LIPK: variants seen among roughly 807,000 people sequenced by gnomAD.
LIPK encodes lipase member K.
Under a neutral mutation model 48.6 loss-of-function variants are expected in LIPK, and 32 were observed. The ratio of observed to expected loss-of-function variants is 0.66; its 90% CI spans 0.50 to 0.88. LIPK has a LOEUF of 0.88. LIPK is among the 40% of genes least tolerant of loss of function. The probability of loss-of-function intolerance (pLI) is 0.00; values close to 1 mark genes in which losing one functional copy is unlikely to be tolerated. For synonymous variants in LIPK, 164 were observed against 157.4 expected (o/e 1.04, Z -0.32); for missense variants, 507 against 478.5 (o/e 1.06, Z -0.56).
chr10:88,732,658 G>A, intron 6 of LIPK, 107 bp downstream of exon 6: 1 of 1,151,818 alleles, frequency 8.7e-7, no homozygotes, highest in Non-Finnish European at 1.2e-6. Flanking sequence ...GAAAATAATA[G>A]GTATTCAAGA....
chr10:88,735,772 T>A (rs2134753337), intron 6 of LIPK, among the ~76,000 whole-genome samples: 1 of 152,350 alleles, frequency 6.6e-6, no homozygotes, highest in East Asian at 1.9e-4. Flanking sequence ...CAACTTGGAA[T>A]TATATCTACA....
intron 1 of LIPK, among the ~76,000 whole-genome samples, chr10:88,722,360 T>C (rs1455766200): frequency 6.6e-6 from 1 of 152,232 alleles, no homozygotes; most frequent in Non-Finnish European, 1.5e-5. Flanking sequence ...TTGGCATTTA[T>C]AAAAACCTGC....
intron 9 of LIPK, among the ~76,000 whole-genome samples, chr10:88,747,085 C>T (rs1485360920): frequency 2.6e-5 from 4 of 152,036 alleles, no homozygotes; most frequent in African/African-American, 9.7e-5. Flanking sequence ...AAATCCTAAA[C>T]AGATCAATAA....
chr10:88,732,679 A>C, intron 6 of LIPK, 128 bp downstream of exon 6: 1 of 949,094 alleles, frequency 1.1e-6, no homozygotes, highest in East Asian at 2.4e-5. Flanking sequence ...TATCCATGTA[A>C]GTTCACTGAT....
intron 1 of LIPK, among the ~76,000 whole-genome samples, chr10:88,709,190 G>A (rs1841984140): frequency 6.6e-6 from 1 of 152,126 alleles, no homozygotes; most frequent in Non-Finnish European, 1.5e-5. Flanking sequence ...ATAGATGTGA[G>A]TGCTGAGAAA....
chr10:88,752,737 A>G lies in LIPK; in HGVS notation c.1181A>G (p.Glu394Gly), dbSNP rs1164605775. Residue 394 changes from glutamate (E) to glycine (G), a missense_variant, in exon 10 of 10, where the codon GAA becomes GGA. Physicochemically the swap from Glu to Gly is moderately conservative, Grantham distance 98. Transcript: ENST00000404190. ...TACCAAGACCTAATTATATTGATGG[A>G]AGAATATTTACAAAATTAAATGCAC... Reference protein sequence around the residue: ...EIYQDLIILMEEYLQN With the variant: ...EIYQDLIILMGEYLQN The G allele has an allele frequency of 6.5e-7, 1 of 1,549,832 alleles. No individual in the cohort carries two copies. The highest frequency in any genetic ancestry group is 8.8e-7 in the Non-Finnish European group (1 of 1,142,108).
intron 9 of LIPK, among the ~76,000 whole-genome samples, chr10:88,745,138 C>T (rs939853381): frequency 6.6e-6 from 1 of 152,020 alleles, no homozygotes; most frequent in African/African-American, 2.4e-5. Context: ...TATGTAAAGA[C>T]ACCAAACCTA....
rs752619939 is a variant in LIPK at position 88,752,625 on chromosome 10, C to T, written c.1069C>T (p.Gln357Ter). ...CAAGGATGTTGAAAATTTACTTCCT[C>T]AAATTGCTAACCTTATTTATTACAA... ...DPKDVENLLP[Q>*]IANLIYYKLI... The change falls in exon 10 of 10, where the codon CAA becomes TAA. Residue 357 changes from glutamine (Q) to a stop codon, truncating the protein, a stop_gained. Coordinates refer to ENST00000404190, the MANE Select transcript of LIPK (RefSeq NM_001080518.2). LOFTEE classifies it high-confidence loss of function. The T allele has an allele frequency of 1.9e-6, 3 of 1,572,022 alleles. No individual in the cohort carries two copies. In the Admixed American group the frequency reaches 5.6e-5, roughly 29 times the overall value.
intron 9 of LIPK, among the ~76,000 whole-genome samples, chr10:88,744,660 A>G (rs183158663): frequency 6.6e-5 from 10 of 152,354 alleles, no homozygotes; most frequent in Admixed American, 1.3e-4. Flanking sequence ...TCAAAGATTA[A>G]AGGAATATCA....
At chr10:88,731,744 G>T (rs1842472217) in intron 4 of LIPK, among the ~76,000 whole-genome samples, 1 of 152,252 alleles carries the variant, frequency 6.6e-6, no homozygotes, top group South Asian at 2.1e-4. Flanking sequence ...AGGATCAGAA[G>T]TAACTGAGGT....
chr10:88,743,665 A>G (rs1286244375), intron 9 of LIPK, among the ~76,000 whole-genome samples: 1 of 152,186 alleles, frequency 6.6e-6, no homozygotes, highest in Non-Finnish European at 1.5e-5. Context: ...AAGACCATCA[A>G]GAAGATTGGA....
At chr10:88,716,356 CTTTTT>C (rs11374780) in intron 1 of LIPK, among the ~76,000 whole-genome samples, 1 of 120,338 alleles carries the variant, frequency 8.3e-6, no homozygotes, top group Admixed American at 9.6e-5. Flanking sequence ...AGGAAAATTT[CTTTTT>C]TTTTTTTTTT....
At chr10:88,717,650 T>C (rs1842145381) in intron 1 of LIPK, among the ~76,000 whole-genome samples, 3 of 152,104 alleles carry the variant, frequency 2.0e-5, no homozygotes, top group Admixed American at 2.0e-4. Flanking sequence ...CAGCACACAG[T>C]TGGGAAATAA....
intron 1 of LIPK, among the ~76,000 whole-genome samples, chr10:88,719,694 C>T (rs893093767): frequency 2.0e-5 from 3 of 152,252 alleles, no homozygotes; most frequent in Non-Finnish European, 2.9e-5. Context: ...CAATTCTCAC[C>T]TCCATTTACG....
intron 1 of LIPK, among the ~76,000 whole-genome samples, chr10:88,707,616 G>C (rs1423831142): frequency 6.6e-6 from 1 of 151,908 alleles, no homozygotes; most frequent in Non-Finnish European, 1.5e-5. Context: ...TTGCCTCTAG[G>C]CTTAGAGCAC....
chr10:88,726,083 T>TC (rs60828677), intron 2 of LIPK, among the ~76,000 whole-genome samples: 118,209 of 152,138 alleles, frequency 0.78, 46,929 homozygotes, highest in East Asian at 1. Flanking sequence ...AACTGCTTCC[T>TC]CCCCTCTTCT....
intron 6 of LIPK, among the ~76,000 whole-genome samples, chr10:88,733,356 A>G (rs1382314387): frequency 2.6e-5 from 4 of 152,230 alleles, no homozygotes; most frequent in Non-Finnish European, 5.9e-5. Context: ...GGCTTCTCCC[A>G]TGGTAATAAC....
chr10:88,744,318 C>T (rs538851425), intron 9 of LIPK, among the ~76,000 whole-genome samples: 3 of 152,336 alleles, frequency 2.0e-5, no homozygotes, highest in African/African-American at 7.2e-5. Flanking sequence ...TGCAGCCTCC[C>T]CTGACTGCTT....
chr10:88,714,771 G>C (rs558946141), intron 1 of LIPK, among the ~76,000 whole-genome samples: 1 of 151,980 alleles, frequency 6.6e-6, no homozygotes, highest in Non-Finnish European at 1.5e-5. Context: ...ATTTTTCCTT[G>C]ATTAGTTTTG....
Sources: allele counts gnomAD v4.1 joint callset (sites outside exome capture counted in the v4.1 genomes callset), GRCh38; gene constraint gnomAD v4.1.1; transcripts MANE v1.5; gene names NCBI Gene and HGNC (gene_info 2026-07-23, HGNC 2026-07-21).